Variants in OPCML observed in about 807,000 individuals in gnomAD.
OPCML encodes the protein opioid-binding protein/cell adhesion molecule.
Under a neutral mutation model 37.8 loss-of-function variants are expected in OPCML, and 13 were observed. The observed-to-expected ratio is 0.34, with a 90% CI of 0.22 to 0.55. The LOEUF (loss-of-function observed/expected upper bound fraction) is 0.55, where lower values mean the gene tolerates loss of function less well. OPCML is among the 20% of genes least tolerant of loss of function. The pLI is 0.91. For missense variants in OPCML, 341 were observed against 435.6 expected (o/e 0.78, Z 1.93); for synonymous variants, 176 against 168.8 (o/e 1.04, Z -0.33).
At chr11:133,412,394 A>T (rs924038812) in intron 1 of OPCML, among the ~76,000 whole-genome samples, 6 of 152,168 alleles carry the variant, frequency 3.9e-5, no homozygotes, top group African/African-American at 1.4e-4. Flanking sequence ...TGGAAACCAG[A>T]GGGTCAGAGA....
intron 1 of OPCML, among the ~76,000 whole-genome samples, chr11:133,492,285 T>C (rs1228194215): frequency 6.6e-6 from 1 of 152,200 alleles, no homozygotes; most frequent in Non-Finnish European, 1.5e-5. Flanking sequence ...GAGGATCCAT[T>C]TCACAAACAT....
chr11:133,276,795 A>G (rs1444179980), intron 1 of OPCML, among the ~76,000 whole-genome samples: 1 of 152,068 alleles, frequency 6.6e-6, no homozygotes, highest in African/African-American at 2.4e-5. Context: ...CTTCTATGAC[A>G]GTTCTTTTTC....
At chr11:133,204,882 A>ATATATGTGTG (rs1555114200) in intron 1 of OPCML, among the ~76,000 whole-genome samples, 760 of 30,188 alleles carry the variant, frequency 0.025, 15 homozygotes, top group African/African-American at 0.085. Context: ...ATATATATAT[A>ATATATGTGTG]TATATATATA....
At chr11:132,530,675 A>ACT (rs1324247041) in intron 3 of OPCML, among the ~76,000 whole-genome samples, 1 of 150,498 alleles carries the variant, frequency 6.6e-6, no homozygotes, top group Non-Finnish European at 1.5e-5. Flanking sequence ...CATGGCACAC[A>ACT]CTCTACCAGG....
intron 1 of OPCML, among the ~76,000 whole-genome samples, chr11:132,968,854 A>T (rs1946275233): frequency 6.6e-6 from 1 of 152,092 alleles, no homozygotes; most frequent in South Asian, 2.1e-4. Flanking sequence ...CTTCCCTATT[A>T]ATATGCTTTT....
chr11:133,134,399 G>T (rs1481591266), intron 1 of OPCML, among the ~76,000 whole-genome samples: 4 of 152,184 alleles, frequency 2.6e-5, no homozygotes, highest in Admixed American at 2.0e-4. Flanking sequence ...AACACTGGAA[G>T]TCCCAGGGAC....
rs549586924 is a variant in OPCML at position 133,355,569 on chromosome 11, T to G, written c.61+176695A>C. 4.0e-4 allele frequency among the ~76,000 whole-genome samples: 61 copies of G among 152,300 alleles called. No homozygotes were observed. In the South Asian group the frequency reaches 0.012, roughly 31 times the overall value. On this transcript the variant is annotated intron_variant, in intron 1 of 7. Coordinates refer to ENST00000524381, the MANE Select transcript of OPCML (RefSeq NM_001012393.5). ...TGTGATCCTGGGGAAGTATTCAGCC[T>G]AAGAACTCCTACTATGTCGGTGGCA...
intron 2 of OPCML, among the ~76,000 whole-genome samples, chr11:132,758,837 G>A (rs1342239812): frequency 6.6e-6 from 1 of 152,112 alleles, no homozygotes; most frequent in East Asian, 1.9e-4. Context: ...CCAATACTAT[G>A]TTAAATAGGA....
At chr11:132,618,126 A>T (rs1939152088) in intron 3 of OPCML, among the ~76,000 whole-genome samples, 1 of 152,216 alleles carries the variant, frequency 6.6e-6, no homozygotes, top group Non-Finnish European at 1.5e-5. Flanking sequence ...AAGTGCTGCC[A>T]CCTTCAAAGC....
At chr11:132,686,242 C>A (rs7937413) in intron 2 of OPCML, among the ~76,000 whole-genome samples, 4 of 152,166 alleles carry the variant, frequency 2.6e-5, no homozygotes, top group Non-Finnish European at 5.9e-5. Flanking sequence ...GGGGACATGA[C>A]AATCCCAAAT....
At chr11:132,638,312 C>T (rs139170334) in intron 3 of OPCML, among the ~76,000 whole-genome samples, 27 of 151,626 alleles carry the variant, frequency 1.8e-4, no homozygotes, top group African/African-American at 4.6e-4. Context: ...TATTTAATAG[C>T]TATAATAGAA....
intron 1 of OPCML, among the ~76,000 whole-genome samples, chr11:133,466,433 AC>A (rs1320649685): frequency 1.3e-5 from 2 of 152,212 alleles, no homozygotes; most frequent in Non-Finnish European, 2.9e-5. Flanking sequence ...TAGAACCGGA[AC>A]CGTGACCTTA....
At chr11:133,364,050 G>T (rs915530146) in intron 1 of OPCML, among the ~76,000 whole-genome samples, 2 of 152,174 alleles carry the variant, frequency 1.3e-5, no homozygotes, top group Non-Finnish European at 2.9e-5. Flanking sequence ...TCTCAGACTA[G>T]TCAGTGGTTA....
At chr11:133,489,552 C>T (rs1947607599) in intron 1 of OPCML, among the ~76,000 whole-genome samples, 1 of 152,048 alleles carries the variant, frequency 6.6e-6, no homozygotes, top group Non-Finnish European at 1.5e-5. Context: ...GTCAGAATGA[C>T]TATTATTAAA....
chr11:132,947,375 C>A (rs1945767216), intron 1 of OPCML, among the ~76,000 whole-genome samples: 1 of 152,198 alleles, frequency 6.6e-6, no homozygotes. Context: ...ACAGCTGGCT[C>A]CCCTGAAATA....
chr11:133,285,007 A>G (rs76943087), intron 1 of OPCML, among the ~76,000 whole-genome samples: 1,919 of 152,146 alleles, frequency 0.013, 44 homozygotes, highest in African/African-American at 0.044. Context: ...TTACAACTCT[A>G]TATGTTACGA....
At chr11:133,099,114 T>C (rs1225212275) in intron 1 of OPCML, among the ~76,000 whole-genome samples, 2 of 152,096 alleles carry the variant, frequency 1.3e-5, no homozygotes, top group African/African-American at 2.4e-5. Flanking sequence ...TGATAACATA[T>C]ACAAGACCTA....
intron 1 of OPCML, among the ~76,000 whole-genome samples, chr11:133,083,592 T>C (rs948007628): frequency 1.3e-5 from 2 of 152,238 alleles, no homozygotes; most frequent in African/African-American, 2.4e-5. Flanking sequence ...CTGGATTCAG[T>C]TGCATGTTCG....
At position 132,464,270 on chromosome 11, in the gene OPCML, C is replaced by T. The variant is rs1216605098; in HGVS notation, c.506-26911G>A. ...CCAGGGAGGCTGTCGCAGACTGCCACATGGAATATCACAAATATTCCCCAC... is the reference window on the plus strand; with the variant it reads ...CCAGGGAGGCTGTCGCAGACTGCCATATGGAATATCACAAATATTCCCCAC... On this transcript the variant is annotated intron_variant, in intron 4 of 7. Transcript: ENST00000524381. Among the ~76,000 whole-genome samples the T allele has an allele frequency of 3.3e-5, 5 of 152,178 alleles. 1 individual carries two copies. The highest frequency in any genetic ancestry group is 4.8e-5 in the African/African-American group (2 of 41,428).
Sources: allele counts gnomAD v4.1 joint callset (sites outside exome capture counted in the v4.1 genomes callset), GRCh38; gene constraint gnomAD v4.1.1; transcripts MANE v1.5; gene names NCBI Gene and HGNC (gene_info 2026-07-23, HGNC 2026-07-21).